HIVEP3: variants seen among roughly 807,000 people sequenced by gnomAD.
The protein encoded by HIVEP3 is HIVEP zinc finger 3.
In HIVEP3, 49 loss-of-function variants were observed where a neutral mutation model predicts 152.8. That is an observed-to-expected ratio of 0.32 (90% CI 0.26 to 0.41). HIVEP3 has a LOEUF of 0.41. Among genes scored for constraint, HIVEP3 ranks in the 10% least tolerant of loss-of-function variants. The pLI, the probability that HIVEP3 is intolerant of heterozygous loss-of-function variation, is 1.00. For synonymous variants in HIVEP3, 1,269 were observed against 1,289.0 expected (o/e 0.98, Z 0.33); for missense variants, 2,790 against 3,103.3 (o/e 0.90, Z 2.40).
At chr1:41,714,708 C>T (rs1349779652) in intron 1 of HIVEP3, among the ~76,000 whole-genome samples, 1 of 152,150 alleles carries the variant, frequency 6.6e-6, no homozygotes, top group Non-Finnish European at 1.5e-5. Flanking sequence ...GAGAAACCAG[C>T]CACTGGCCTT....
intron 2 of HIVEP3, among the ~76,000 whole-genome samples, chr1:41,653,773 G>A (rs1266814534): frequency 1.3e-5 from 2 of 151,944 alleles, no homozygotes; most frequent in Non-Finnish European, 2.9e-5. Context: ...TTGAAGGGTG[G>A]GTCTGGATCA....
At chr1:41,947,921 G>A (rs1645084101) in intron 1 of HIVEP3, among the ~76,000 whole-genome samples, 1 of 152,230 alleles carries the variant, frequency 6.6e-6, no homozygotes, top group South Asian at 2.1e-4. Context: ...AAGAAGACTT[G>A]TGGCTGTCAG....
intron 2 of HIVEP3, among the ~76,000 whole-genome samples, chr1:41,680,649 A>G (rs1248180002): frequency 6.6e-6 from 1 of 152,294 alleles, no homozygotes; most frequent in African/African-American, 2.4e-5. Context: ...GGCATCCCAA[A>G]TCTTTTAAAG....
At chr1:41,973,947 G>A (rs1557545558) in intron 1 of HIVEP3, among the ~76,000 whole-genome samples, 1 of 152,210 alleles carries the variant, frequency 6.6e-6, no homozygotes, top group Non-Finnish European at 1.5e-5. Flanking sequence ...TTCAGTGGAG[G>A]GATGTGGAAA....
chr1:41,683,709 C>T lies in HIVEP3; in HGVS notation c.-721+17207G>A, dbSNP rs564736425. ...GAAAATCCTGGAGCATCTTCTTGGA[C>T]TCTCACTAGGGCCCAGGACTCAGTA... On this transcript the variant is annotated intron_variant, in intron 2 of 8. Coordinates refer to ENST00000372583, the MANE Select transcript of HIVEP3 (RefSeq NM_024503.5). Among the ~76,000 whole-genome samples, 14 of 152,262 alleles carry T rather than the reference C, an allele frequency of 9.2e-5. No individual in the cohort carries two copies. In the East Asian group the frequency reaches 1.7e-3, roughly 19 times the overall value.
chr1:41,758,895 T>C (rs1175467237), intron 1 of HIVEP3, among the ~76,000 whole-genome samples: 5 of 152,210 alleles, frequency 3.3e-5, no homozygotes, highest in Non-Finnish European at 7.4e-5. Flanking sequence ...CCCCATAGTG[T>C]ACTGTGACCA....
chr1:41,771,211 G>A (rs181435121), intron 1 of HIVEP3, among the ~76,000 whole-genome samples: 22 of 152,120 alleles, frequency 1.4e-4, no homozygotes, highest in Admixed American at 1.4e-3. Context: ...CTTATAAATA[G>A]AAGATTATTT....
chr1:41,855,131 A>C (rs1280299200), intron 1 of HIVEP3, among the ~76,000 whole-genome samples: 3 of 143,910 alleles, frequency 2.1e-5, no homozygotes, highest in East Asian at 2.0e-4. Context: ...ACTAGTTTAC[A>C]GTCCCACCAA....
At chr1:41,512,750 G>C in intron 8 of HIVEP3, 66 bp downstream of exon 8, 1 of 1,291,004 alleles carries the variant, frequency 7.7e-7, no homozygotes, top group East Asian at 2.6e-5. Flanking sequence ...ACCCAGGAGG[G>C]TGTGAACTTG....
intron 3 of HIVEP3, among the ~76,000 whole-genome samples, chr1:41,607,423 C>G (rs1202311875): frequency 1.3e-5 from 2 of 152,174 alleles, no homozygotes; most frequent in African/African-American, 4.8e-5. Context: ...GCAAGTATTT[C>G]CTTTCCTCCA....
At chr1:41,769,574 A>T (rs781693613) in intron 1 of HIVEP3, among the ~76,000 whole-genome samples, 1 of 152,218 alleles carries the variant, frequency 6.6e-6, no homozygotes, top group African/African-American at 2.4e-5. Context: ...GTGCCAGAAA[A>T]TAAGAAAGAA....
intron 1 of HIVEP3, among the ~76,000 whole-genome samples, chr1:41,727,522 C>T (rs969228162): frequency 2.6e-5 from 4 of 152,150 alleles, no homozygotes; most frequent in Admixed American, 1.3e-4. Flanking sequence ...GAAAAAGGAA[C>T]GAGGGAAGAA....
chr1:41,831,703 C>T (rs349424), intron 1 of HIVEP3, among the ~76,000 whole-genome samples: 124,390 of 152,190 alleles, frequency 0.82, 50,945 homozygotes, highest in East Asian at 1. Context: ...TCAAGTCCCA[C>T]GAGGTAATGA....
At chr1:41,633,850 C>T (rs12036848) in intron 2 of HIVEP3, among the ~76,000 whole-genome samples, 3 of 152,170 alleles carry the variant, frequency 2.0e-5, no homozygotes, top group Non-Finnish European at 4.4e-5. Context: ...CTGGAATCAG[C>T]ACCCTCCCTT....
intron 1 of HIVEP3, among the ~76,000 whole-genome samples, chr1:41,752,781 T>C (rs1647186663): frequency 6.6e-6 from 1 of 152,128 alleles, no homozygotes; most frequent in Non-Finnish European, 1.5e-5. Context: ...CCTTGAACTC[T>C]GACCTCTCTG....
chr1:41,582,768 G>A lies in HIVEP3; in HGVS notation c.2030C>T (p.Ala677Val). ...AGCTTCTGGAGATGTGTGGGTGCCT[G>A]CAGAGATGGGCTTTGCGATCTGAAG... ...SELQIAKPIS[A>V]GTHTSPEAEK... The change falls in exon 4 of 9, where the codon GCA (alanine) becomes GTA (valine). Residue 677 changes from alanine to valine, a missense_variant. Ala to Val is a moderately conservative substitution (Grantham distance 64). Transcript: ENST00000372583. The surrounding 1 kb of genome is among the most constrained non-coding windows in gnomAD (Gnocchi z 4.7). 6.2e-7 allele frequency: 1 copy of A among 1,614,206 alleles called. No homozygotes were observed. Among genetic ancestry groups the A allele is most frequent in the Non-Finnish European group, 8.5e-7 (1 of 1,180,038 alleles).
intron 5 of HIVEP3, among the ~76,000 whole-genome samples, chr1:41,559,118 G>C (rs986500280): frequency 6.6e-6 from 1 of 152,010 alleles, no homozygotes; most frequent in Non-Finnish European, 1.5e-5. Flanking sequence ...TCCGCTTGGA[G>C]CTTTGGCCCC....
At chr1:41,561,600 C>A (rs1644063638) in intron 5 of HIVEP3, among the ~76,000 whole-genome samples, 1 of 151,864 alleles carries the variant, frequency 6.6e-6, no homozygotes, top group Admixed American at 6.6e-5. Context: ...GCAACCTTGA[C>A]CTCCTGGGCT....
chr1:41,824,794 GAGAGAGAGAGAGAGAGAGAGAGAGAA>G (rs1488383764), intron 1 of HIVEP3, among the ~76,000 whole-genome samples: 14,135 of 34,980 alleles, frequency 0.4, 1,085 homozygotes, highest in East Asian at 0.52. Flanking sequence ...TAGAGAGAGA[GAGAGAGAGAGAGAGAGAGAGAGAGAA>G]AGAGAGAGAG....
Sources: gnomAD v4.1 joint callset for allele counts (sites outside exome capture counted in the v4.1 genomes callset) on GRCh38, gnomAD v4.1.1 for gene constraint, Gnocchi (gnomAD v3.1) non-coding constraint, MANE v1.5 for transcripts, NCBI Gene and HGNC (gene_info 2026-07-23, HGNC 2026-07-21) for gene names.